The following CCDC40 variants were observed in gnomAD, a reference collection of about 807,000 sequenced individuals.
CCDC40 encodes coiled-coil domain-containing protein 40.
CCDC40 carries 104 observed loss-of-function variants against 124.5 expected under a neutral mutation model. The ratio of observed to expected loss-of-function variants is 0.84; its 90% CI spans 0.71 to 0.98. The LOEUF is 0.98. CCDC40 is among the 50% of genes least tolerant of loss of function. CCDC40 has a pLI of 0.00. For missense variants in CCDC40, 1,463 were observed against 1,503.9 expected, an observed-to-expected ratio of 0.97 and a Z score of 0.45; for synonymous variants, 580 against 602.9, an observed-to-expected ratio of 0.96 and a Z score of 0.56.
intron 10 of CCDC40, among the ~76,000 whole-genome samples, chr17:80,069,267 G>A (rs956892550): frequency 6.6e-6 from 1 of 152,078 alleles, no homozygotes; most frequent in Non-Finnish European, 1.5e-5. Context: ...GCGTGGGGGG[G>A]GCGGTAACCA....
At chr17:80,093,090 G>C (rs901457835) in intron 17 of CCDC40, among the ~76,000 whole-genome samples, 7 of 152,144 alleles carry the variant, frequency 4.6e-5, no homozygotes, top group African/African-American at 1.7e-4. Context: ...TTCGTTTCTG[G>C]GCTGTTTTGT....
intron 3 of CCDC40, among the ~76,000 whole-genome samples, chr17:80,042,355 A>G (rs1158629607): frequency 6.6e-6 from 1 of 152,160 alleles, no homozygotes; most frequent in Admixed American, 6.5e-5. Context: ...CCTGCCCACA[A>G]ATGATCTGCC....
At chr17:80,045,602 G>A (rs972398020) in intron 3 of CCDC40, among the ~76,000 whole-genome samples, 1 of 152,104 alleles carries the variant, frequency 6.6e-6, no homozygotes, top group African/African-American at 2.4e-5. Flanking sequence ...TACTCAGGAG[G>A]CTGAGGCAAG....
chr17:80,038,217 C>G lies in CCDC40; in HGVS notation c.93+31C>G, dbSNP rs564000900. On this transcript the variant is annotated intron_variant, in intron 2 of 19. Coordinates refer to ENST00000397545, the MANE Select transcript of CCDC40 (RefSeq NM_017950.4). ...ATTCCCTATGGGCAGTTATTCCGGG[C>G]TTATATTTACTAGGAATTAAAGAGA... 10 of 1,366,554 alleles carry G rather than the reference C, an allele frequency of 7.3e-6. No homozygotes were observed. In the East Asian group the frequency reaches 2.3e-4, roughly 31 times the overall value. 84.7% of individuals were successfully genotyped at this position (1,366,554 alleles called of 1,614,324 possible).
chr17:80,088,571 C>A (rs2038638385), intron 16 of CCDC40, among the ~76,000 whole-genome samples: 1 of 152,188 alleles, frequency 6.6e-6, no homozygotes, highest in South Asian at 2.1e-4. Context: ...CTTTGGGATG[C>A]CAAGGCAGGA....
intron 10 of CCDC40, among the ~76,000 whole-genome samples, chr17:80,070,930 A>G (rs2038170866): frequency 6.6e-6 from 1 of 152,134 alleles, no homozygotes; most frequent in Admixed American, 6.5e-5. Flanking sequence ...GGAGCTGGAC[A>G]CTGCCCTCCC....
At chr17:80,045,142 G>C (rs943837119) in intron 3 of CCDC40, among the ~76,000 whole-genome samples, 4 of 152,240 alleles carry the variant, frequency 2.6e-5, no homozygotes, top group African/African-American at 9.6e-5. Context: ...GCATGGGCTG[G>C]AGACAGAGAC....
chr17:80,053,060 A>G (rs1568680644), intron 7 of CCDC40, among the ~76,000 whole-genome samples: 1 of 152,390 alleles, frequency 6.6e-6, no homozygotes, highest in Non-Finnish European at 1.5e-5. Flanking sequence ...GGTAAAAGAC[A>G]TGGACGACAG....
chr17:80,056,002 A>ATTTTTTT (rs1397122647), intron 7 of CCDC40, among the ~76,000 whole-genome samples: 5 of 7,838 alleles, frequency 6.4e-4, no homozygotes, highest in African/African-American at 7.3e-4. Flanking sequence ...ATATATATAT[A>ATTTTTTT]TATATATATA....
intron 9 of CCDC40, among the ~76,000 whole-genome samples, chr17:80,062,529 C>G (rs1226251809): frequency 3.3e-5 from 5 of 149,436 alleles, no homozygotes; most frequent in African/African-American, 1.2e-4. Context: ...TGTTCAATTC[C>G]CACCTATGAG....
Position 80,087,049 on chromosome 17 carries a change from T to G in CCDC40, c.2450-558T>G, listed in dbSNP as rs975676248. 2.4e-4 allele frequency: 47 copies of G among 194,234 alleles called. No individual in the cohort carries two copies. The highest frequency in any genetic ancestry group is 6.4e-4 in the South Asian group (6 of 9,404). The allele number at this position is 194,234 out of a possible 1,614,324, so 12.0% of individuals were successfully genotyped here. A position where few individuals can be genotyped will look rare whatever the true frequency, so the allele number is the denominator to read the frequency against. On this transcript the variant is annotated intron_variant, in intron 14 of 19. Coordinates refer to ENST00000397545, the MANE Select transcript of CCDC40 (RefSeq NM_017950.4). The surrounding 1 kb of genome is among the most constrained non-coding windows in gnomAD (Gnocchi z 4.5). ...CTCACATGCCCATGTCCTGGGGTAG[T>G]CAGGGCACACCATGGGGACAGCAGG...
chr17:80,059,061 T>C, intron 9 of CCDC40, 81 bp downstream of exon 9: 1 of 1,544,110 alleles, frequency 6.5e-7, no homozygotes, highest in Non-Finnish European at 8.9e-7. Context: ...TCTACTAGAC[T>C]GCACCTGCCC....
intron 13 of CCDC40, among the ~76,000 whole-genome samples, chr17:80,085,290 A>C (rs2038559149): frequency 6.6e-6 from 1 of 152,248 alleles, no homozygotes; most frequent in Admixed American, 6.5e-5. Context: ...GGCTGTGTCC[A>C]ATCAGATGTT....
intron 17 of CCDC40, 95 bp from the exon 18 acceptor site, chr17:80,095,168 C>T: frequency 3.4e-6 from 4 of 1,161,278 alleles, no homozygotes; most frequent in Non-Finnish European, 5.2e-6. Flanking sequence ...CCATGCGTGT[C>T]ACCGGAGGAT....
In CCDC40 at chr17:80,081,578, G is replaced by A. The variant is rs1314031983; in HGVS notation, c.1595G>A (p.Gly532Asp). 10 of 1,613,744 alleles carry A rather than the reference G, an allele frequency of 6.2e-6. No individual in the cohort carries two copies. The highest frequency in any genetic ancestry group is 8.5e-6 in the Non-Finnish European group (10 of 1,180,034). Residue 532 changes from glycine (G) to aspartate (D), a missense_variant, in exon 11 of 20, where the codon GGC (glycine) becomes GAC (aspartate). Physicochemically the swap from Gly to Asp is moderately conservative, Grantham distance 94. Transcript: ENST00000397545. ...CAGCATCAAGCCAAATCCACCGACG[G>A]CGAGATTGAGGCCTATAAGAAATCC... is the stretch of plus-strand genomic sequence containing the variant. ...GCQHQAKSTD[G>D]EIEAYKKSIM... is the part of the protein sequence containing the mutation.
At chr17:80,067,739 T>C in intron 10 of CCDC40, 1 of 1,515,486 alleles carries the variant, frequency 6.6e-7, no homozygotes, top group Non-Finnish European at 8.8e-7. Context: ...CCGGAATGTC[T>C]GGGTCTAGCG....
chr17:80,065,358 A>G, intron 9 of CCDC40, 127 bp from the exon 10 acceptor site: 1 of 1,304,918 alleles, frequency 7.7e-7, no homozygotes, highest in Non-Finnish European at 1.1e-6. Flanking sequence ...CAGATGCATG[A>G]TCAAGGAAAG....
intron 10 of CCDC40, chr17:80,067,814 G>T: frequency 6.9e-7 from 1 of 1,441,394 alleles, no homozygotes; most frequent in East Asian, 2.5e-5. Flanking sequence ...TCCCCTGACA[G>T]CTCAGCATGT....
chr17:80,059,134 G>T (rs960870844), intron 9 of CCDC40, among the ~76,000 whole-genome samples, 154 bp downstream of exon 9: 2 of 152,170 alleles, frequency 1.3e-5, no homozygotes, highest in African/African-American at 4.8e-5. Context: ...CCCCATGGTG[G>T]GGCCACAGTA....
Sources: allele counts gnomAD v4.1 joint callset (sites outside exome capture counted in the v4.1 genomes callset), GRCh38; gene constraint gnomAD v4.1.1; non-coding constraint Gnocchi (gnomAD v3.1); transcripts MANE v1.5; gene names NCBI Gene and HGNC (gene_info 2026-07-23, HGNC 2026-07-21).